The following PLXNA4 variants were observed in gnomAD, a reference collection of about 807,000 sequenced individuals.
The protein encoded by PLXNA4 is plexin-A4.
Under a neutral mutation model 191.8 loss-of-function variants are expected in PLXNA4, and 44 were observed. The ratio of observed to expected loss-of-function variants is 0.23; its 90% CI spans 0.18 to 0.29. PLXNA4 has a LOEUF of 0.29. PLXNA4 is among the 10% of genes least tolerant of loss of function. The pLI, the probability that PLXNA4 is intolerant of heterozygous loss-of-function variation, is 1.00. For synonymous variants in PLXNA4, 1,082 were observed against 1,009.5 expected, an observed-to-expected ratio of 1.07 and a Z score of -1.36; for missense variants, 1,800 against 2,488.8, an observed-to-expected ratio of 0.72 and a Z score of 5.89.
chr7:132,159,714 C>T, intron 24 of PLXNA4, 82 bp from the exon 25 acceptor site: 2 of 1,577,810 alleles, frequency 1.3e-6, no homozygotes, highest in Non-Finnish European at 1.7e-6. Flanking sequence ...CCCTGGGATT[C>T]CGTCCTGAAT....
chr7:132,258,193 C>A (rs996330239), intron 4 of PLXNA4, among the ~76,000 whole-genome samples: 1 of 152,254 alleles, frequency 6.6e-6, no homozygotes, highest in Non-Finnish European at 1.5e-5. Flanking sequence ...GCCAATGCTT[C>A]TTCAAGGAGT....
rs369277684 is a variant in PLXNA4 at position 132,289,434 on chromosome 7, G to A, written c.1503+8657C>T. ...CCTTTTGCTAAAAGCATAGGGATAT[G>A]TCACTGTTTCTTCATGGTTGTATTC... is the stretch of plus-strand genomic sequence containing the variant. On this transcript the variant is annotated intron_variant, in intron 4 of 31. Transcript: ENST00000321063. Among the ~76,000 whole-genome samples, 480 of 152,326 alleles carry A rather than the reference G, an allele frequency of 3.2e-3. 32 individuals are homozygous for A. In the South Asian group the frequency reaches 0.095, roughly 30 times the overall value.
chr7:132,194,364 G>A (rs1212070157), intron 13 of PLXNA4, among the ~76,000 whole-genome samples, 185 bp from the exon 14 acceptor site: 3 of 152,194 alleles, frequency 2.0e-5, no homozygotes, highest in East Asian at 1.9e-4. Context: ...AGGCAATGAC[G>A]AAAACTGACC....
At chr7:132,506,965 T>C (rs1409056130) in intron 2 of PLXNA4, among the ~76,000 whole-genome samples, 1 of 152,256 alleles carries the variant, frequency 6.6e-6, no homozygotes, top group Admixed American at 6.5e-5. Context: ...TGTGCTCTCA[T>C]TTTAGCATTT....
chr7:132,186,907 G>A (rs181554271), intron 15 of PLXNA4, among the ~76,000 whole-genome samples: 2 of 152,168 alleles, frequency 1.3e-5, no homozygotes, highest in East Asian at 3.9e-4. Flanking sequence ...TATGACTCAG[G>A]AGGCACATAA....
At chr7:132,620,295 G>T (rs568454951) in intron 2 of PLXNA4, among the ~76,000 whole-genome samples, 2 of 137,618 alleles carry the variant, frequency 1.5e-5, no homozygotes, top group African/African-American at 7.2e-5. Context: ...GAAGGTTCTT[G>T]TTGTTCTGTT....
intron 1 of PLXNA4, among the ~76,000 whole-genome samples, chr7:132,568,336 A>T (rs1801827479): frequency 6.6e-6 from 1 of 152,180 alleles, no homozygotes; most frequent in Non-Finnish European, 1.5e-5. Flanking sequence ...AGTCTTCAGA[A>T]ATCGGATTGG....
chr7:132,352,826 C>A (rs750349004), intron 3 of PLXNA4, among the ~76,000 whole-genome samples: 1 of 152,134 alleles, frequency 6.6e-6, no homozygotes. Flanking sequence ...GCCTTCTCCC[C>A]TTTGCTGTAC....
intron 3 of PLXNA4, among the ~76,000 whole-genome samples, chr7:132,332,037 C>T (rs1051269919): frequency 6.6e-6 from 1 of 152,178 alleles, no homozygotes. Flanking sequence ...GCTCTGAATA[C>T]ACGACTTCTA....
upstream of PLXNA4, chr7:132,576,554 C>T: frequency 1.0e-6 from 1 of 986,124 alleles, no homozygotes; most frequent in Non-Finnish European, 1.2e-6. This position sits in a 1 kb window ranked among gnomAD's most constrained non-coding sequence, Gnocchi z 5.8. Context: ...CCAGCCCCAG[C>T]CCCGAACGCA....
Position 132,520,275 on chromosome 7 carries a change from C to T in PLXNA4, c.-86-11496G>A, listed in dbSNP as rs543222491. On this transcript the variant is annotated intron_variant, in intron 1 of 31. Coordinates refer to ENST00000321063, the MANE Select transcript of PLXNA4 (RefSeq NM_020911.2). ...TCATCTGTTAAGTGGATGTAAGTCA[C>T]ACTCTTTGGAGTCTATTTTCTCCCT... Among the ~76,000 whole-genome samples the T allele has an allele frequency of 7.2e-5, 11 of 152,344 alleles. No individual in the cohort carries two copies. The East Asian group carries it at 2.1e-3, about 29-fold the overall frequency.
intron 3 of PLXNA4, among the ~76,000 whole-genome samples, chr7:132,418,084 C>G (rs1306927202): frequency 6.6e-6 from 1 of 152,188 alleles, no homozygotes; most frequent in Admixed American, 6.5e-5. Context: ...CCTAGCCAAC[C>G]AACCCCAGCT....
intron 25 of PLXNA4, among the ~76,000 whole-genome samples, chr7:132,158,500 A>G (rs1254212457): frequency 6.6e-6 from 1 of 152,200 alleles, no homozygotes; most frequent in Non-Finnish European, 1.5e-5. Context: ...GTATCCTTGT[A>G]TTATCCTCAT....
intron 3 of PLXNA4, among the ~76,000 whole-genome samples, chr7:132,304,918 GT>G (rs1344359324): frequency 1.3e-5 from 2 of 152,180 alleles, no homozygotes; most frequent in African/African-American, 4.8e-5. Flanking sequence ...CCAGCCAGCT[GT>G]ATGGTCCCCA....
rs929337909 is a variant in PLXNA4, at chr7:132,145,025, C to A, written c.5225+94G>T. The A allele has an allele frequency of 2.5e-6, 4 of 1,577,214 alleles. No homozygotes were observed. The African/African-American group carries it at 5.4e-5, about 21-fold the overall frequency. On this transcript the variant is annotated intron_variant, in intron 29 of 31. Transcript: ENST00000321063. ...GCTGATGAAAACAGGCTCTGGCCAG[C>A]CCTTCTCCTGGAGGCCCAGAGTCCC...
intron 3 of PLXNA4, among the ~76,000 whole-genome samples, chr7:132,319,476 GT>G (rs1416178188): frequency 2.6e-5 from 4 of 152,162 alleles, no homozygotes; most frequent in South Asian, 4.2e-4. Flanking sequence ...CTCTAGGTCT[GT>G]TCTCAGGGTT....
chr7:132,453,755 AG>A (rs1796215310), intron 3 of PLXNA4, among the ~76,000 whole-genome samples: 2 of 152,122 alleles, frequency 1.3e-5, no homozygotes, highest in Admixed American at 1.3e-4. Flanking sequence ...TTGGCCAGGA[AG>A]GTCTCTATCT....
At chr7:132,223,957 C>T (rs886072814) in intron 8 of PLXNA4, among the ~76,000 whole-genome samples, 10 of 152,134 alleles carry the variant, frequency 6.6e-5, no homozygotes, top group Non-Finnish European at 1.3e-4. Context: ...GAGCAGAGGG[C>T]TTGTGTAGAC....
chr7:132,507,459 A>G, intron 2 of PLXNA4, 47 bp downstream of exon 2: 1 of 1,551,942 alleles, frequency 6.4e-7, no homozygotes, highest in Middle Eastern at 1.7e-4. Context: ...TGGGGTTCTC[A>G]TCCTACACTC....
Sources: gnomAD v4.1 joint callset for allele counts (sites outside exome capture counted in the v4.1 genomes callset) on GRCh38, gnomAD v4.1.1 for gene constraint, Gnocchi (gnomAD v3.1) non-coding constraint, MANE v1.5 for transcripts, NCBI Gene and HGNC (gene_info 2026-07-23, HGNC 2026-07-21) for gene names.